Variants in PDK1 observed in about 807,000 individuals in gnomAD.
PDK1 encodes pyruvate dehydrogenase kinase 1.
PDK1 carries 39 observed loss-of-function variants against 54.2 expected under a neutral mutation model. The ratio of observed to expected loss-of-function variants is 0.72; its 90% confidence interval spans 0.56 to 0.94. The LOEUF (loss-of-function observed/expected upper bound fraction) is 0.94. Ranked by LOEUF, PDK1 falls within the 40% of genes least tolerant of loss-of-function variation. The pLI is 0.00. For missense variants in PDK1, 552 were observed against 566.0 expected (o/e 0.98, Z 0.25); for synonymous variants, 221 against 207.1 (o/e 1.07, Z -0.58).
chr2:172,622,209 G>A, the PDK1 span, among the ~76,000 whole-genome samples: 1 of 141,554 alleles, frequency 7.1e-6, no homozygotes, highest in Non-Finnish European at 1.5e-5. Flanking sequence ...TTTATATCAT[G>A]AGAGATATGT....
chr2:172,592,132 C>T (rs1201083401), intron 9 of PDK1, among the ~76,000 whole-genome samples: 1 of 152,216 alleles, frequency 6.6e-6, no homozygotes, highest in Non-Finnish European at 1.5e-5. Context: ...TACGGGTTGT[C>T]AGTGGTCTCA....
chr2:172,637,638 C>G, the PDK1 span, among the ~76,000 whole-genome samples: 8 of 152,112 alleles, frequency 5.3e-5, no homozygotes, highest in Non-Finnish European at 1.2e-4. Flanking sequence ...TAACTTAGTA[C>G]TTTCATTCTG....
chr2:172,723,838 T>G, the PDK1 span: 5 of 152,224 alleles, frequency 3.3e-5, no homozygotes, highest in Non-Finnish European at 5.9e-5. Flanking sequence ...GGATGAGCAT[T>G]ACACTTAAAG....
the PDK1 span, among the ~76,000 whole-genome samples, chr2:172,678,453 A>G: frequency 1.3e-5 from 2 of 152,176 alleles, no homozygotes; most frequent in Non-Finnish European, 2.9e-5. Flanking sequence ...AGAGTAAGAC[A>G]GGAGACTGTT....
the PDK1 span, among the ~76,000 whole-genome samples, chr2:172,643,583 G>T: frequency 5.3e-5 from 8 of 152,296 alleles, no homozygotes; most frequent in African/African-American, 1.7e-4. Flanking sequence ...CCTGGGGACA[G>T]GCCACATCTC....
At chr2:172,639,188 G>A in the PDK1 span, among the ~76,000 whole-genome samples, 1 of 152,150 alleles carries the variant, frequency 6.6e-6, no homozygotes, top group East Asian at 1.9e-4. Context: ...GCCTAGCCAA[G>A]TATCTTTAAT....
At chr2:172,693,009 AC>A in the PDK1 span, among the ~76,000 whole-genome samples, 6 of 152,182 alleles carry the variant, frequency 3.9e-5, no homozygotes, top group African/African-American at 1.4e-4. Context: ...ACCCTTTAGC[AC>A]CCACTGGGTG....
the PDK1 span, among the ~76,000 whole-genome samples, chr2:172,720,116 CTTT>C: frequency 1.7e-5 from 2 of 116,732 alleles, no homozygotes; most frequent in Non-Finnish European, 1.7e-5. Context: ...CTCTCTCTCT[CTTT>C]TTTTTTTTTT....
rs1055575399 is a variant in PDK1 at position 172,603,220 on chromosome 2, G to A, written c.*7251G>A. The A allele has an allele frequency of 1.3e-5, 2 of 152,178 alleles. No individual in the cohort carries two copies. The highest frequency in any genetic ancestry group is 2.9e-5 in the Non-Finnish European group (2 of 68,046). 9.4% of individuals were successfully genotyped at this position (152,178 alleles called of 1,614,324 possible). ...AGCCCAAAGGGCCAGCTGGAAAGAC[G>A]AGACCAGTTACAGAGCAAATGGCAA... On this transcript the variant is annotated 3_prime_UTR_variant, in exon 11 of 11. Coordinates refer to ENST00000282077, the MANE Select transcript of PDK1 (RefSeq NM_002610.5).
intron 2 of PDK1, among the ~76,000 whole-genome samples, chr2:172,559,903 G>T (rs754850634): frequency 6.6e-6 from 1 of 151,910 alleles, no homozygotes; most frequent in Non-Finnish European, 1.5e-5. Flanking sequence ...GAGTGCAGTG[G>T]TGATCACAGC....
At chr2:172,707,662 C>T in the PDK1 span, among the ~76,000 whole-genome samples, 4 of 152,048 alleles carry the variant, frequency 2.6e-5, no homozygotes, top group East Asian at 1.9e-4. Context: ...ATCTTATGTT[C>T]GTTTTATATA....
At chr2:172,564,124 T>C (rs1574469910) in intron 3 of PDK1, 2 of 473,866 alleles carry the variant, frequency 4.2e-6, no homozygotes, top group African/African-American at 4.0e-5. Context: ...GCAGGTGTTC[T>C]CTAGAGGCAA....
the PDK1 span, among the ~76,000 whole-genome samples, chr2:172,697,528 C>T: frequency 2.0e-5 from 3 of 152,110 alleles, no homozygotes; most frequent in African/African-American, 7.2e-5. Context: ...TTAGAATACA[C>T]GTGCTGAGCA....
the PDK1 span, among the ~76,000 whole-genome samples, chr2:172,646,740 T>TTTTTTTTTTTTTTTC: frequency 1.5e-4 from 20 of 135,448 alleles, 1 homozygote; most frequent in Non-Finnish European, 2.3e-4. Flanking sequence ...ATTTCCTTTT[T>TTTTTTTTTTTTTTTC]TTTTTTTTTT....
intron 8 of PDK1, among the ~76,000 whole-genome samples, chr2:172,583,541 G>C (rs1690041010): frequency 1.3e-5 from 2 of 151,806 alleles, no homozygotes; most frequent in South Asian, 4.2e-4. Flanking sequence ...TGATTCGCCG[G>C]CCTTGCCTCC....
At chr2:172,706,969 G>A in the PDK1 span, among the ~76,000 whole-genome samples, 1 of 152,048 alleles carries the variant, frequency 6.6e-6, no homozygotes, top group African/African-American at 2.4e-5. Context: ...TCCCCACTCC[G>A]CCTCCACTGA....
At chr2:172,555,966 C>T, upstream of PDK1, 1 of 418,120 alleles carries the variant, frequency 2.4e-6, no homozygotes, top group Non-Finnish European at 4.1e-6. Flanking sequence ...TTTCTCTCCC[C>T]GCCTCCTTCC....
intron 10 of PDK1, among the ~76,000 whole-genome samples, chr2:172,595,606 CA>C (rs1396651050): frequency 1.3e-5 from 2 of 152,164 alleles, no homozygotes; most frequent in Non-Finnish European, 2.9e-5. Flanking sequence ...CTGTAAGCAA[CA>C]AACTCAGTCA....
Position 172,583,870 on chromosome 2 carries a change from G to A in PDK1, c.946-2408G>A, listed in dbSNP as rs1690063256. Among the ~76,000 whole-genome samples, 3 of 152,012 alleles carry A rather than the reference G, an allele frequency of 2.0e-5. No individual in the cohort carries two copies. In the South Asian group the frequency reaches 6.2e-4, roughly 31 times the overall value. On this transcript the variant is annotated intron_variant, in intron 8 of 10. Transcript: ENST00000282077. The stretch of plus-strand genomic sequence containing the variant: ...TCTATATATACATAAATTAAAAGCA[G>A]ATTTGTTTGTGTATGACAACTATAT...
Sources: gnomAD v4.1 joint callset for allele counts (sites outside exome capture counted in the v4.1 genomes callset) on GRCh38, gnomAD v4.1.1 for gene constraint, MANE v1.5 for transcripts, NCBI Gene and HGNC (gene_info 2026-07-23, HGNC 2026-07-21) for gene names.